STK36: variants seen among roughly 807,000 people sequenced by gnomAD.
The protein encoded by STK36 is serine/threonine kinase 36, also known as serine/threonine-protein kinase 36.
In STK36, 116 loss-of-function variants were observed where a neutral mutation model predicts 142.2. The observed-to-expected ratio is 0.82, with a 90% confidence interval of 0.70 to 0.95. The LOEUF (loss-of-function observed/expected upper bound fraction) is 0.95, where lower values mean the gene tolerates loss of function less well. Among genes scored for constraint, STK36 ranks in the 40% least tolerant of loss-of-function variants. The pLI is 0.00. For missense variants in STK36, 1,422 were observed against 1,617.2 expected (o/e 0.88, Z 2.07); for synonymous variants, 619 against 641.7 (o/e 0.96, Z 0.53).
At chr2:218,680,778 G>A in intron 10 of STK36, 76 bp downstream of exon 10, 1 of 1,303,256 alleles carries the variant, frequency 7.7e-7, no homozygotes, top group Non-Finnish European at 1.1e-6. Context: ...TTCTAGAACA[G>A]TGATTCCCAA....
chr2:218,693,613 G>A (rs1329155399), intron 17 of STK36, 110 bp from the exon 18 acceptor site: 9 of 1,055,576 alleles, frequency 8.5e-6, no homozygotes, highest in African/African-American at 1.6e-5. Flanking sequence ...ACACTCCCAA[G>A]TGTGGGTACC....
Position 218,698,681 on chromosome 2 carries a change from C to T in STK36, c.3137C>T (p.Thr1046Ile). ...LLTRLALMDP[T>I]SLNQFVNTVS... Reference sequence around the variant, plus strand: ...ACACGCCTGGCCCTCATGGATCCCACCTCTCTCAACCAGTTTGTGAACACA... The same window carrying T: ...ACACGCCTGGCCCTCATGGATCCCATCTCTCTCAACCAGTTTGTGAACACA... Residue 1046 changes from threonine to isoleucine, a missense_variant, in exon 26 of 27, where the codon ACC becomes ATC. Physicochemically the swap from Thr to Ile is moderately conservative, Grantham distance 89. Coordinates refer to ENST00000295709, the MANE Select transcript of STK36 (RefSeq NM_015690.5). 1.9e-6 allele frequency: 3 copies of T among 1,614,220 alleles called. No homozygotes were observed. Among genetic ancestry groups the T allele is most frequent in the Non-Finnish European group, 2.5e-6 (3 of 1,180,044 alleles).
intron 9 of STK36, 34 bp downstream of exon 9, chr2:218,680,114 A>T: frequency 1.2e-6 from 2 of 1,601,292 alleles, no homozygotes; most frequent in Non-Finnish European, 1.7e-6. Flanking sequence ...TTGTAGGGTG[A>T]GGTATCTTGC....
At chr2:218,689,504 C>T (rs937726771) in intron 12 of STK36, among the ~76,000 whole-genome samples, 2 of 152,152 alleles carry the variant, frequency 1.3e-5, no homozygotes, top group African/African-American at 2.4e-5. Flanking sequence ...GTTTCAGAGT[C>T]AGTGTAAATG....
rs201052280 is a variant in STK36 at position 218,679,590 on chromosome 2, G to A, written c.809G>A (p.Gly270Glu). The A allele has an allele frequency of 6.2e-6, 10 of 1,614,004 alleles. No individual in the cohort carries two copies. The East Asian group carries it at 2.0e-4, about 32-fold the overall frequency. ...ACTGAGCCAGCAGGCCCAGATTTGG[G>A]GACCCCATTCACCAGCCGCCTACCC... ...IITEPAGPDL[G>E]TPFTSRLPPE... Residue 270 changes from glycine (G) to glutamate (E), a missense_variant, in exon 8 of 27, where the codon GGG (glycine) becomes GAG (glutamate). Transcript: ENST00000295709.
chr2:218,684,313 C>T (rs1375795031), intron 10 of STK36, among the ~76,000 whole-genome samples: 1 of 150,544 alleles, frequency 6.6e-6, no homozygotes, highest in East Asian at 1.9e-4. Flanking sequence ...TGGGGTTTCT[C>T]CATGTTGGTC....
chr2:218,679,302 A>T lies in STK36; in HGVS notation c.778+41A>T, dbSNP rs779311482. The T allele has an allele frequency of 3.2e-6, 5 of 1,575,210 alleles. No homozygotes were observed. The East Asian group carries it at 1.1e-4, about 35-fold the overall frequency. On this transcript the variant is annotated intron_variant, in intron 7 of 26. Transcript: ENST00000295709. ...TCCCAGGGCTCTTGGACTTCCCAGT[A>T]CTTCCTCTAAACTACTTCCCTTTCA...
rs1239127109 is a variant in STK36, at chr2:218,679,558, A to C, written c.779-2A>C. On this transcript the variant is annotated splice_acceptor_variant, in intron 7 of 26. Transcript: ENST00000295709. LOFTEE classifies it high-confidence loss of function. ...TGTCTTCCTCCTCTTCCCTCCCTGC[A>C]GTAATAACTGAGCCAGCAGGCCCAG... 3 of 1,613,164 alleles carry C rather than the reference A, an allele frequency of 1.9e-6. No individual in the cohort carries two copies. The highest frequency in any genetic ancestry group is 2.2e-5 in the South Asian group (2 of 90,966).
chr2:218,696,764 C>A, intron 22 of STK36, 163 bp downstream of exon 22: 1 of 927,848 alleles, frequency 1.1e-6, no homozygotes, highest in East Asian at 2.4e-5. Flanking sequence ...CAGTACTGAC[C>A]CTTTGAAGGA....
chr2:218,697,392 G>T, intron 23 of STK36, 71 bp from the exon 24 acceptor site: 1 of 1,583,416 alleles, frequency 6.3e-7, no homozygotes, highest in Non-Finnish European at 8.6e-7. Context: ...GTAGCCCTGG[G>T]AGCTGTGGGG....
Position 218,684,414 on chromosome 2 carries a change from CTTTTTTTTTTT to C in STK36, c.1237-657_1237-647del, listed in dbSNP as rs779556469. Among the ~76,000 whole-genome samples, 10 of 49,350 alleles carry C rather than the reference CTTTTTTTTTTT, an allele frequency of 2.0e-4. No homozygotes were observed. The East Asian group carries it at 6.1e-3, about 30-fold the overall frequency. The allele number at this position is 49,350 out of a possible 152,430, so 32.4% of individuals were successfully genotyped here. The stretch of plus-strand genomic sequence containing the variant: ...ATAGGCGTGAGCTACTGCGCCTGGC[CTTTTTTTTTTT>C]TTTTTTTTTTTTTGAGACAGAGTCT... On this transcript the variant is annotated intron_variant, in intron 10 of 26. Transcript: ENST00000295709.
chr2:218,680,769 T>G, intron 10 of STK36, 67 bp downstream of exon 10: 1 of 1,393,208 alleles, frequency 7.2e-7, no homozygotes, highest in Non-Finnish European at 9.9e-7. Flanking sequence ...TAGATGTTTT[T>G]CTAGAACAGT....
chr2:218,690,637 G>A, intron 14 of STK36, 82 bp downstream of exon 14: 1 of 1,114,700 alleles, frequency 9.0e-7, no homozygotes, highest in Non-Finnish European at 1.4e-6. Context: ...GACTATGTAG[G>A]GTCAGATCAA....
chr2:218,695,221 C>T (rs1253375276), intron 21 of STK36, among the ~76,000 whole-genome samples: 1 of 141,630 alleles, frequency 7.1e-6, no homozygotes, highest in African/African-American at 2.7e-5. Flanking sequence ...TATTGTCATC[C>T]CTTTTTTTTT....
chr2:218,683,306 G>A (rs997866480), intron 10 of STK36, among the ~76,000 whole-genome samples: 10 of 147,436 alleles, frequency 6.8e-5, no homozygotes, highest in African/African-American at 2.5e-4. Flanking sequence ...ATGGAGTCTT[G>A]CTCTGTTGCC....
At chr2:218,673,832 G>A (rs748509106) in intron 3 of STK36, 47 bp from the exon 4 acceptor site, 3 of 1,614,024 alleles carry the variant, frequency 1.9e-6, no homozygotes, top group Non-Finnish European at 2.5e-6. Context: ...CCCAACCTCA[G>A]AATGCATGAA....
At chr2:218,683,431 T>C (rs1333772140) in intron 10 of STK36, among the ~76,000 whole-genome samples, 2 of 152,072 alleles carry the variant, frequency 1.3e-5, no homozygotes, top group African/African-American at 4.8e-5. Flanking sequence ...CCTGTCACCA[T>C]GCCCAGCTAA....
At chr2:218,676,646 T>A (rs1330848344) in intron 6 of STK36, among the ~76,000 whole-genome samples, 1 of 147,350 alleles carries the variant, frequency 6.8e-6, no homozygotes, top group Non-Finnish European at 1.5e-5. Context: ...AGACACAGTT[T>A]TTTTTTCTTT....
Position 218,675,436 on chromosome 2 carries a change from C to T in STK36, c.397C>T (p.Leu133Phe), listed in dbSNP as rs768080357. ...HRDMKPQNIL[L>F]AKGGGIKLCD... The stretch of plus-strand genomic sequence containing the variant: ...AGATATGAAGCCTCAGAACATCCTC[C>T]TCGCCAAGGGTGGTGGCATCAAGCT... The change falls in exon 5 of 27, where the codon CTC becomes TTC. Residue 133 changes from leucine (L) to phenylalanine (F), a missense_variant. Leu to Phe is a conservative substitution (Grantham distance 22). Coordinates refer to ENST00000295709, the MANE Select transcript of STK36 (RefSeq NM_015690.5). 2 of 1,613,708 alleles carry T rather than the reference C, an allele frequency of 1.2e-6. No individual in the cohort carries two copies. The highest frequency in any genetic ancestry group is 2.7e-5 in the African/African-American group (2 of 74,812).
Sources: gnomAD v4.1 joint callset for allele counts (sites outside exome capture counted in the v4.1 genomes callset) on GRCh38, gnomAD v4.1.1 for gene constraint, MANE v1.5 for transcripts, NCBI Gene and HGNC (gene_info 2026-07-23, HGNC 2026-07-21) for gene names.